The following ZNF250 variants were observed in gnomAD, a reference collection of about 807,000 sequenced individuals.
ZNF250 encodes the protein zinc finger protein 250, also known as zinc finger protein (clone 647).
In ZNF250, 13 loss-of-function variants were observed where a neutral mutation model predicts 37.1. The ratio of observed to expected loss-of-function variants is 0.35; its 90% CI spans 0.23 to 0.56. The LOEUF (loss-of-function observed/expected upper bound fraction) is 0.56. ZNF250 is among the 20% of genes least tolerant of loss of function. The pLI is 0.87. For synonymous variants in ZNF250, 251 were observed against 265.6 expected (o/e 0.94, Z 0.54); for missense variants, 474 against 697.9 (o/e 0.68, Z 3.61).
chr8:144,882,059 G>A lies in ZNF250; in HGVS notation c.1124C>T (p.Ser375Leu). The A allele has an allele frequency of 1.2e-6, 2 of 1,613,944 alleles. No individual in the cohort carries two copies. The highest frequency in any genetic ancestry group is 1.7e-6 in the Non-Finnish European group (2 of 1,179,974). ...SECGKAFSDR[S>L]VLIQHHNVHT... ...CACGTTGTGGTGCTGAATGAGGACT[G>A]AGCGGTCGCTGAAGGCCTTCCCACA... Residue 375 changes from serine (S) to leucine (L), a missense_variant, in exon 6 of 6, where the codon TCA (serine) becomes TTA (leucine). Ser to Leu is a moderately radical substitution (Grantham distance 145). Transcript: ENST00000417550. This position sits in a 1 kb window ranked among gnomAD's most constrained non-coding sequence, Gnocchi z 5.5.
chr8:144,901,652 A>T (rs1164679015), upstream of ZNF250: 1 of 151,398 alleles, frequency 6.6e-6, no homozygotes, highest in African/African-American at 2.4e-5. The surrounding 1 kb of genome is among the most constrained non-coding windows in gnomAD (Gnocchi z 5.4). Context: ...GACCTCCGCG[A>T]TCCCTAGAGG....
chr8:144,882,779 G>A lies in ZNF250; in HGVS notation c.404C>T (p.Ser135Leu), dbSNP rs147300949. ...TTTCCCCAGAATCACTGTTTGCTCT[G>A]AAATTAATGGCTTCGGACTCAAGTC... ...NTDLSPKPLISEQTVILGKTP... is the reference protein window; with the variant it reads ...NTDLSPKPLILEQTVILGKTP... Residue 135 changes from serine to leucine, a missense_variant, in exon 6 of 6, where the codon TCA becomes TTA. Transcript: ENST00000417550. The surrounding 1 kb of genome is among the most constrained non-coding windows in gnomAD (Gnocchi z 5.5). 1.8e-4 allele frequency: 297 copies of A among 1,613,906 alleles called. No individual in the cohort carries two copies. In the Middle Eastern group the frequency reaches 2.0e-3, roughly 11 times the overall value.
At chr8:144,899,356 A>G (rs1832951366) in intron 1 of ZNF250, among the ~76,000 whole-genome samples, 1 of 152,170 alleles carries the variant, frequency 6.6e-6, no homozygotes, top group African/African-American at 2.4e-5. Context: ...AATTTATTGT[A>G]TATTTCAAAA....
intron 5 of ZNF250, among the ~76,000 whole-genome samples, chr8:144,885,564 A>T (rs569815689): frequency 5.3e-5 from 8 of 152,154 alleles, no homozygotes; most frequent in Non-Finnish European, 1.2e-4. Context: ...TCCTGGGCTC[A>T]AGGAATCCTC....
At chr8:144,895,416 G>A (rs1832648799) in intron 1 of ZNF250, among the ~76,000 whole-genome samples, 1 of 152,128 alleles carries the variant, frequency 6.6e-6, no homozygotes, top group Non-Finnish European at 1.5e-5. Context: ...CTGCATTGAG[G>A]CCCCACCTAT....
At chr8:144,895,045 T>C (rs1008021095) in intron 1 of ZNF250, 8 of 152,166 alleles carry the variant, frequency 5.3e-5, no homozygotes, top group African/African-American at 1.7e-4. Flanking sequence ...GTCAACACTT[T>C]AAACTGGCAG....
At chr8:144,892,890 T>C (rs866499661) in intron 1 of ZNF250, among the ~76,000 whole-genome samples, 4 of 138,552 alleles carry the variant, frequency 2.9e-5, no homozygotes, top group South Asian at 2.4e-4. Flanking sequence ...GACGAAGTCT[T>C]GCTCTGTCAC....
Position 144,880,619 on chromosome 8 carries a change from T to A in ZNF250, c.*896A>T. 5.1e-6 allele frequency: 2 copies of A among 391,334 alleles called. No individual in the cohort carries two copies. Among genetic ancestry groups the A allele is most frequent in the South Asian group, 3.6e-5 (2 of 55,050 alleles). 24.2% of individuals were successfully genotyped at this position (391,334 alleles called of 1,614,324 possible). ...TGCCTCACGCCTGTAATCCCAACACTTTCGGAAGCAAAGGTGGGAGGATCA... is the reference window on the plus strand; with the variant it reads ...TGCCTCACGCCTGTAATCCCAACACATTCGGAAGCAAAGGTGGGAGGATCA... On this transcript the variant is annotated 3_prime_UTR_variant, in exon 6 of 6. Coordinates refer to ENST00000417550, the MANE Select transcript of ZNF250 (RefSeq NM_001109689.4).
Position 144,889,671 on chromosome 8 carries a change from T to C in ZNF250, c.193A>G (p.Ile65Val). 6.2e-7 allele frequency: 1 copy of C among 1,613,952 alleles called. No individual in the cohort carries two copies. The highest frequency in any genetic ancestry group is 8.5e-7 in the Non-Finnish European group (1 of 1,179,872). The change falls in exon 4 of 6, where the codon ATA becomes GTA. Residue 65 changes from isoleucine (I) to valine (V), a missense_variant. By Grantham distance (29) the Ile-to-Val change is conservative. Transcript: ENST00000417550. ...TCCCCTCGCTCCAGCTGGGAGATTATGTCAGGCTTGGATCCTGGAAGTCCT... is the reference window on the plus strand; with the variant it reads ...TCCCCTCGCTCCAGCTGGGAGATTACGTCAGGCTTGGATCCTGGAAGTCCT... ...SLGLPGSKPDIISQLERGEDP... is the reference protein window; with the variant it reads ...SLGLPGSKPDVISQLERGEDP...
chr8:144,889,856 C>A, intron 3 of ZNF250, 77 bp downstream of exon 3: 1 of 1,522,286 alleles, frequency 6.6e-7, no homozygotes, highest in East Asian at 2.3e-5. Context: ...CAGCCTGTCC[C>A]AGGCCCCGTA....
At position 144,897,784 on chromosome 8, in the gene ZNF250, G is replaced by A. The variant is rs113772007; in HGVS notation, c.-55+3615C>T. On this transcript the variant is annotated intron_variant, in intron 1 of 5. Transcript: ENST00000417550. The surrounding 1 kb of genome is among the most constrained non-coding windows in gnomAD (Gnocchi z 5.2). ...AATTTAACTAAAAGTATCCCTTATG[G>A]GAAACGAAGGGATGGGCCGAATTAA... Among the ~76,000 whole-genome samples the A allele has an allele frequency of 0.032, 4,901 of 152,250 alleles. 239 individuals are homozygous for A. The highest frequency in any genetic ancestry group is 0.11 in the African/African-American group (4,608 of 41,516).
chr8:144,883,751 A>T (rs1234170712), intron 5 of ZNF250, among the ~76,000 whole-genome samples: 4 of 152,214 alleles, frequency 2.6e-5, no homozygotes. Flanking sequence ...TTTAGGCCAC[A>T]GATGAGGCCT....
chr8:144,887,853 C>T (rs1036661905), intron 4 of ZNF250, among the ~76,000 whole-genome samples: 3 of 152,190 alleles, frequency 2.0e-5, no homozygotes, highest in Non-Finnish European at 4.4e-5. Flanking sequence ...TACCTTGTTC[C>T]TCTGAGGATA....
chr8:144,881,087 C>T lies in ZNF250; in HGVS notation c.*428G>A. 1 of 162,658 alleles carries T rather than the reference C, an allele frequency of 6.1e-6. No homozygotes were observed. Among genetic ancestry groups the T allele is most frequent in the South Asian group, 1.6e-4 (1 of 6,064 alleles). 10.1% of individuals were successfully genotyped at this position (162,658 alleles called of 1,614,324 possible). A position where few individuals can be genotyped will look rare whatever the true frequency, so the allele number is the denominator to read the frequency against. On this transcript the variant is annotated 3_prime_UTR_variant, in exon 6 of 6. Coordinates refer to ENST00000417550, the MANE Select transcript of ZNF250 (RefSeq NM_001109689.4). Reference sequence around the variant, plus strand: ...TAAGAGAATACTGAAAATAGTCCGACTTTCAAATTTTAAGTGCAATAATTA... The same window carrying T: ...TAAGAGAATACTGAAAATAGTCCGATTTTCAAATTTTAAGTGCAATAATTA...
In ZNF250 at chr8:144,882,013, A is replaced by G. The variant is rs1831511399; in HGVS notation, c.1170T>C (p.Tyr390=). The G allele has an allele frequency of 6.2e-7, 1 of 1,613,948 alleles. No homozygotes were observed. The highest frequency in any genetic ancestry group is 8.5e-7 in the Non-Finnish European group (1 of 1,179,972). ...HHNVHTGEKP[Y]ECSECGKTFS... is the part of the protein sequence containing the mutation. ...AGGTCTTCCCACACTCACTGCACTCATAGGGCTTCTCCCCGGTGTGCACGT... is the reference window on the plus strand; with the variant it reads ...AGGTCTTCCCACACTCACTGCACTCGTAGGGCTTCTCCCCGGTGTGCACGT... Residue 390 remains tyrosine (Y), a synonymous_variant, in exon 6 of 6, where the codon TAT becomes TAC. Coordinates refer to ENST00000417550, the MANE Select transcript of ZNF250 (RefSeq NM_001109689.4). This position sits in a 1 kb window ranked among gnomAD's most constrained non-coding sequence, Gnocchi z 5.5.
rs187784340 is a variant in ZNF250, at chr8:144,896,207, A to T, written c.-55+5192T>A. On this transcript the variant is annotated intron_variant, in intron 1 of 5. Transcript: ENST00000417550. ...AGACCCCGTCTCTATAAAAAAATTT[A>T]AAAAATTAGCTGGTTTGTAGACCTA... 5.9e-4 allele frequency among the ~76,000 whole-genome samples: 90 copies of T among 151,960 alleles called. No homozygotes were observed. The South Asian group carries it at 9.8e-3, about 16-fold the overall frequency.
chr8:144,892,770 C>G (rs1832433082), intron 1 of ZNF250, among the ~76,000 whole-genome samples: 1 of 151,966 alleles, frequency 6.6e-6, no homozygotes, highest in African/African-American at 2.4e-5. Context: ...GTTGGTCAGG[C>G]TGGTCTTGAA....
At chr8:144,885,875 G>A (rs1426075369) in intron 5 of ZNF250, among the ~76,000 whole-genome samples, 2 of 152,144 alleles carry the variant, frequency 1.3e-5, no homozygotes, top group Admixed American at 6.6e-5. Flanking sequence ...GGAGGGCAAG[G>A]TGGGAGGATC....
upstream of ZNF250, chr8:144,901,805 C>T (rs557207706): frequency 7.8e-5 from 12 of 152,928 alleles, no homozygotes; most frequent in African/African-American, 2.4e-4. This position sits in a 1 kb window ranked among gnomAD's most constrained non-coding sequence, Gnocchi z 5.4. Flanking sequence ...GAGGACACCC[C>T]TGCCGGCCCC....
Sources: allele counts gnomAD v4.1 joint callset (sites outside exome capture counted in the v4.1 genomes callset), GRCh38; gene constraint gnomAD v4.1.1; non-coding constraint Gnocchi (gnomAD v3.1); transcripts MANE v1.5; gene names NCBI Gene and HGNC (gene_info 2026-07-23, HGNC 2026-07-21).